Variants in CSMD2 observed in about 807,000 individuals in gnomAD.
CSMD2 encodes the protein CUB and sushi domain-containing protein 2.
CSMD2 carries 130 observed loss-of-function variants against 398.5 expected under a neutral mutation model. The ratio of observed to expected loss-of-function variants is 0.33; its 90% confidence interval spans 0.28 to 0.38. The LOEUF is 0.38. Ranked by LOEUF, CSMD2 falls within the 10% of genes least tolerant of loss-of-function variation. The pLI, the probability that CSMD2 is intolerant of heterozygous loss-of-function variation, is 1.00. For missense variants in CSMD2, 3,829 were observed against 4,764.9 expected, an observed-to-expected ratio of 0.80 and a Z score of 5.78; for synonymous variants, 1,828 against 1,908.5, an observed-to-expected ratio of 0.96 and a Z score of 1.10.
At chr1:33,570,510 C>T (rs1350433139) in intron 51 of CSMD2, among the ~76,000 whole-genome samples, 2 of 152,080 alleles carry the variant, frequency 1.3e-5, no homozygotes, top group Admixed American at 6.6e-5. Context: ...GTTTCAAACT[C>T]CCACTTCTCA....
chr1:33,899,732 T>A (rs912159630), intron 5 of CSMD2, among the ~76,000 whole-genome samples: 4 of 152,156 alleles, frequency 2.6e-5, no homozygotes, highest in African/African-American at 9.7e-5. Flanking sequence ...TGAGGACCCA[T>A]CACCTGCCTT....
At chr1:34,066,035 C>T (rs935194887) in intron 2 of CSMD2, among the ~76,000 whole-genome samples, 1 of 152,088 alleles carries the variant, frequency 6.6e-6, no homozygotes, top group African/African-American at 2.4e-5. Context: ...GCTGTGTGAC[C>T]GTAGGAAGAC....
intron 59 of CSMD2, 128 bp downstream of exon 59, chr1:33,541,002 G>T: frequency 1.0e-6 from 1 of 975,048 alleles, no homozygotes; most frequent in Non-Finnish European, 1.5e-6. Context: ...TTCTCACCTT[G>T]CACATCCCCT....
chr1:33,749,909 T>G (rs1430945535), intron 13 of CSMD2, among the ~76,000 whole-genome samples: 7 of 152,172 alleles, frequency 4.6e-5, no homozygotes, highest in Non-Finnish European at 7.3e-5. Flanking sequence ...CTATTTAAAT[T>G]GATTTTGATA....
At chr1:33,561,027 T>G (rs1345884065) in intron 53 of CSMD2, among the ~76,000 whole-genome samples, 1 of 152,110 alleles carries the variant, frequency 6.6e-6, no homozygotes, top group Admixed American at 6.5e-5. Context: ...TTGTTCTGGG[T>G]TTTAATTTGT....
chr1:34,076,925 AAAAATAT>A (rs1399180864), intron 2 of CSMD2, among the ~76,000 whole-genome samples: 4 of 112,670 alleles, frequency 3.6e-5, no homozygotes, highest in African/African-American at 8.0e-5. Context: ...AAAAAAAAAA[AAAAATAT>A]ATATATATAT....
chr1:33,913,700 C>T (rs1430621373), intron 5 of CSMD2, among the ~76,000 whole-genome samples: 1 of 152,140 alleles, frequency 6.6e-6, no homozygotes, highest in Non-Finnish European at 1.5e-5. Context: ...AAGCCTACCC[C>T]CTTCCCAGTT....
rs139620754 is a variant in CSMD2, at chr1:33,814,463, C to A, written c.1325-3599G>T. On this transcript the variant is annotated intron_variant, in intron 9 of 70. Coordinates refer to ENST00000373381, the MANE Select transcript of CSMD2 (RefSeq NM_001281956.2). ...CATGTTCTAGACATTCCTTGAACATCTTCCTCTTCCTCTTATCTCCCCTTA... is the reference window on the plus strand; with the variant it reads ...CATGTTCTAGACATTCCTTGAACATATTCCTCTTCCTCTTATCTCCCCTTA... Among the ~76,000 whole-genome samples, 299 of 152,280 alleles carry A rather than the reference C, an allele frequency of 2.0e-3. 3 individuals carry two copies. Among genetic ancestry groups the A allele is most frequent in the Non-Finnish European group, 2.4e-3 (164 of 68,016 alleles).
At chr1:33,571,841 A>C in intron 50 of CSMD2, 115 bp from the exon 51 acceptor site, 1 of 772,452 alleles carries the variant, frequency 1.3e-6, no homozygotes, top group Non-Finnish European at 1.8e-6. Context: ...AGAATCCAGG[A>C]ATCTTCAGTT....
In CSMD2 at chr1:33,648,286, C is replaced by T. The variant is rs147751823; in HGVS notation, c.4587-1451G>A. Among the ~76,000 whole-genome samples, 464 of 148,594 alleles carry T rather than the reference C, an allele frequency of 3.1e-3. 4 individuals are homozygous for T. Among genetic ancestry groups the T allele is most frequent in the African/African-American group, 0.01 (411 of 40,524 alleles). On this transcript the variant is annotated intron_variant, in intron 28 of 70. Coordinates refer to ENST00000373381, the MANE Select transcript of CSMD2 (RefSeq NM_001281956.2). ...CTGAGGCAGGAGAATGGCATGAACCCGGGAGGTGGAGTTTGCAGTCAGCAG... is the reference window on the plus strand; with the variant it reads ...CTGAGGCAGGAGAATGGCATGAACCTGGGAGGTGGAGTTTGCAGTCAGCAG...
chr1:33,747,483 T>C (rs991214725), intron 13 of CSMD2, among the ~76,000 whole-genome samples: 5 of 152,130 alleles, frequency 3.3e-5, no homozygotes, highest in African/African-American at 4.8e-5. Flanking sequence ...TTAAGTGTAA[T>C]TAGTAATAGA....
intron 3 of CSMD2, among the ~76,000 whole-genome samples, chr1:34,017,152 T>C (rs1648244989): frequency 6.6e-6 from 1 of 152,202 alleles, no homozygotes; most frequent in Non-Finnish European, 1.5e-5. Flanking sequence ...CTTGATCACC[T>C]CCAGAAATGA....
intron 22 of CSMD2, among the ~76,000 whole-genome samples, chr1:33,701,628 T>A (rs1025726776): frequency 6.6e-6 from 1 of 152,246 alleles, no homozygotes; most frequent in Non-Finnish European, 1.5e-5. Context: ...AAAGAAGCCA[T>A]CCTTCAAACT....
chr1:33,714,715 A>G lies in CSMD2; in HGVS notation c.3278T>C (p.Leu1093Ser). Residue 1093 changes from leucine to serine, a missense_variant, in exon 21 of 71, where the codon TTG (leucine) becomes TCG (serine). Physicochemically the swap from Leu to Ser is moderately radical, Grantham distance 145. This residue lies in a region of CSMD2 where 2,001 missense variants were observed against 2,567.1 expected (regional missense o/e 0.78). Coordinates refer to ENST00000373381, the MANE Select transcript of CSMD2 (RefSeq NM_001281956.2). The part of the protein sequence containing the change: ...EVPAYSIRKG[L>S]QFGVGDTLTF... ...CAAGGTGTCGCCCACGCCAAACTGCAAGCCCTTCCGGATGCTGTAGGCTGG... is the reference window on the plus strand; with the variant it reads ...CAAGGTGTCGCCCACGCCAAACTGCGAGCCCTTCCGGATGCTGTAGGCTGG... The G allele has an allele frequency of 6.2e-7, 1 of 1,614,116 alleles. No individual in the cohort carries two copies. Among genetic ancestry groups the G allele is most frequent in the Non-Finnish European group, 8.5e-7 (1 of 1,180,024 alleles).
chr1:33,728,991 CAT>C (rs147358890), intron 15 of CSMD2, among the ~76,000 whole-genome samples: 4,168 of 152,272 alleles, frequency 0.027, 192 homozygotes, highest in African/African-American at 0.094. Context: ...CAGGTGGACA[CAT>C]GAGACCTTAG....
chr1:34,123,524 G>GT (rs60477025), intron 1 of CSMD2, among the ~76,000 whole-genome samples: 5 of 64,948 alleles, frequency 7.7e-5, no homozygotes, highest in Non-Finnish European at 1.5e-4. Context: ...AAACTTAAAG[G>GT]GGGGGGGTTG....
At chr1:34,001,686 T>C (rs1442015354) in intron 3 of CSMD2, among the ~76,000 whole-genome samples, 1 of 152,178 alleles carries the variant, frequency 6.6e-6, no homozygotes, top group Non-Finnish European at 1.5e-5. Flanking sequence ...GTAAAATGTA[T>C]GGCAAGAAAA....
intron 7 of CSMD2, among the ~76,000 whole-genome samples, chr1:33,821,998 G>C (rs1388830434): frequency 6.6e-6 from 1 of 152,210 alleles, no homozygotes; most frequent in Admixed American, 6.5e-5. Context: ...ACAAGGAAGA[G>C]TGGATGGTGA....
intron 1 of CSMD2, among the ~76,000 whole-genome samples, chr1:34,147,254 T>C (rs1268334121): frequency 1.3e-5 from 2 of 151,124 alleles, no homozygotes; most frequent in Non-Finnish European, 2.9e-5. Flanking sequence ...CGACACTCCA[T>C]CTCAAAAAAT....
Sources: gnomAD v4.1 joint callset for allele counts (sites outside exome capture counted in the v4.1 genomes callset) on GRCh38, gnomAD v4.1.1 for gene constraint, gnomAD v4.1.1 regional missense constraint, MANE v1.5 for transcripts, NCBI Gene and HGNC (gene_info 2026-07-23, HGNC 2026-07-21) for gene names.